Variants in SCLT1 observed in about 807,000 individuals in gnomAD.
The protein encoded by SCLT1 is sodium channel and clathrin linker 1, also known as sodium channel-associated protein 1.
SCLT1 carries 78 observed loss-of-function variants against 112.8 expected under a neutral mutation model. That is an observed-to-expected ratio of 0.69 (90% confidence interval 0.58 to 0.83). The LOEUF is 0.83. SCLT1 is among the 40% of genes least tolerant of loss of function. The probability of loss-of-function intolerance (pLI) is 0.00; values close to 1 mark genes in which losing one functional copy is unlikely to be tolerated. For missense variants in SCLT1, 747 were observed against 770.4 expected (o/e 0.97, Z 0.36); for synonymous variants, 257 against 254.7 (o/e 1.01, Z -0.09).
rs74842168 is a variant in SCLT1, at chr4:129,007,476, T to A, written c.291-3600A>T. ...TCTTTTGGGCAAATATAATTTCGTA[T>A]CATTATGGAAACCGCCTTTTAATCT... On this transcript the variant is annotated intron_variant, in intron 5 of 20. Transcript: ENST00000281142. 2.7e-3 allele frequency among the ~76,000 whole-genome samples: 410 copies of A among 152,314 alleles called. 5 individuals are homozygous for A. In the East Asian group the frequency reaches 0.041, roughly 15 times the overall value.
intron 2 of SCLT1, among the ~76,000 whole-genome samples, chr4:129,058,230 A>G (rs935134072): frequency 6.7e-6 from 1 of 149,698 alleles, no homozygotes; most frequent in Non-Finnish European, 1.5e-5. Flanking sequence ...GTCCATTTCT[A>G]CTCTGACATT....
intron 2 of SCLT1, among the ~76,000 whole-genome samples, chr4:129,079,652 T>C (rs1751763865): frequency 6.6e-6 from 1 of 152,178 alleles, no homozygotes; most frequent in South Asian, 2.1e-4. Flanking sequence ...AGGCACATAG[T>C]GCAAGCTGTT....
intron 12 of SCLT1, among the ~76,000 whole-genome samples, chr4:128,957,430 T>C (rs1739313374): frequency 6.6e-6 from 1 of 152,194 alleles, no homozygotes; most frequent in Non-Finnish European, 1.5e-5. Context: ...CTATATAAAG[T>C]AAATAATCAA....
intron 9 of SCLT1, chr4:128,971,018 A>G (rs1468896385): frequency 6.6e-6 from 1 of 152,196 alleles, no homozygotes; most frequent in Non-Finnish European, 1.5e-5. Flanking sequence ...GCAACAAATG[A>G]AAAAGATAAA....
At position 129,073,861 on chromosome 4, in the gene SCLT1, T is replaced by C. The variant is rs141187861; in HGVS notation, c.102+8445A>G. Among the ~76,000 whole-genome samples, 1,029 of 152,302 alleles carry C rather than the reference T, an allele frequency of 6.8e-3. 8 individuals are homozygous for C. The highest frequency in any genetic ancestry group is 0.011 in the Non-Finnish European group (715 of 68,012). On this transcript the variant is annotated intron_variant, in intron 2 of 20. Coordinates refer to ENST00000281142, the MANE Select transcript of SCLT1 (RefSeq NM_144643.4). The stretch of plus-strand genomic sequence containing the variant: ...TCTCTCCTATATGCCAAATACATTA[T>C]ATAAACTGAAATATATTTTATTCCC...
chr4:128,958,585 C>T, intron 12 of SCLT1, among the ~76,000 whole-genome samples: 1 of 152,206 alleles, frequency 6.6e-6, no homozygotes, highest in East Asian at 1.9e-4. Context: ...TTTTTAATGG[C>T]TTGGTATAAG....
At chr4:128,897,301 C>T (rs1733850029) in intron 18 of SCLT1, among the ~76,000 whole-genome samples, 1 of 152,128 alleles carries the variant, frequency 6.6e-6, no homozygotes, top group East Asian at 1.9e-4. Flanking sequence ...CAAAGGGAAG[C>T]CCATCAGACT....
intron 9 of SCLT1, among the ~76,000 whole-genome samples, chr4:128,974,457 G>A (rs1287320327): frequency 6.6e-6 from 1 of 151,816 alleles, no homozygotes; most frequent in African/African-American, 2.4e-5. Context: ...GAGCTCTCCT[G>A]AAGCCAAGAT....
intron 2 of SCLT1, among the ~76,000 whole-genome samples, chr4:129,072,705 T>A (rs1019911029): frequency 2.6e-5 from 4 of 152,184 alleles, no homozygotes; most frequent in Non-Finnish European, 4.4e-5. Context: ...TCCCTTCACT[T>A]CTTGTCTCAT....
chr4:128,922,337 A>G (rs1190635678), intron 18 of SCLT1, among the ~76,000 whole-genome samples: 1 of 152,202 alleles, frequency 6.6e-6, no homozygotes, highest in African/African-American at 2.4e-5. Flanking sequence ...TTTACTACAA[A>G]GACGCATGCT....
At chr4:129,083,936 GA>G (rs1213261577) in intron 1 of SCLT1, among the ~76,000 whole-genome samples, 2 of 152,162 alleles carry the variant, frequency 1.3e-5, no homozygotes, top group East Asian at 3.9e-4. Flanking sequence ...CACAAAAAAT[GA>G]TAAGAAATAT....
chr4:128,887,140 TAATGGCACTA>T (rs555260431), intron 20 of SCLT1, among the ~76,000 whole-genome samples: 20 of 152,276 alleles, frequency 1.3e-4, no homozygotes, highest in Admixed American at 3.3e-4. Flanking sequence ...AGCTTTTACT[TAATGGCACTA>T]AATGGCACTA....
chr4:128,942,903 AG>A, intron 17 of SCLT1, 92 bp downstream of exon 17: 1 of 838,092 alleles, frequency 1.2e-6, no homozygotes. Context: ...GCAAAAAAAA[AG>A]GGGGCCTTAA....
intron 2 of SCLT1, among the ~76,000 whole-genome samples, chr4:129,054,536 C>T (rs1352437692): frequency 3.9e-5 from 6 of 151,930 alleles, no homozygotes; most frequent in Admixed American, 2.6e-4. Flanking sequence ...TCCGCTTGAT[C>T]GATTCAGCTA....
intron 14 of SCLT1, among the ~76,000 whole-genome samples, chr4:128,951,219 A>G (rs1738706279): frequency 6.6e-6 from 1 of 152,160 alleles, no homozygotes; most frequent in Non-Finnish European, 1.5e-5. Flanking sequence ...TTCAAACTGT[A>G]GCTTAGATTT....
chr4:129,082,934 G>A (rs1433596274), intron 1 of SCLT1, among the ~76,000 whole-genome samples: 1 of 152,086 alleles, frequency 6.6e-6, no homozygotes, highest in Non-Finnish European at 1.5e-5. Context: ...ACTCATGCCT[G>A]TAATCCTAGC....
chr4:129,079,696 T>C (rs1379619768), intron 2 of SCLT1, among the ~76,000 whole-genome samples: 1 of 152,212 alleles, frequency 6.6e-6, no homozygotes, highest in Non-Finnish European at 1.5e-5. Flanking sequence ...CGGAGGATGG[T>C]AGCTCCCTTC....
chr4:129,007,628 C>A (rs779930501), intron 5 of SCLT1, among the ~76,000 whole-genome samples: 1 of 151,970 alleles, frequency 6.6e-6, no homozygotes, highest in African/African-American at 2.4e-5. Context: ...TTGTATTTTA[C>A]GAATCTCCTT....
Position 129,053,557 on chromosome 4 carries a change from ATTTTTTTTTTTTTTTTTTT to A in SCLT1, c.103-9525_103-9507del, listed in dbSNP as rs528905688. On this transcript the variant is annotated intron_variant, in intron 2 of 20. Coordinates refer to ENST00000281142, the MANE Select transcript of SCLT1 (RefSeq NM_144643.4). ...TTAGAGACTAGGATTGCAATCCCTG[ATTTTTTTTTTTTTTTTTTT>A]TTTTTTTTTTTTTTGCTTTCCATTT... 4.0e-4 allele frequency among the ~76,000 whole-genome samples: 18 copies of A among 45,240 alleles called. No individual in the cohort carries two copies. The South Asian group carries it at 4.6e-3, about 12-fold the overall frequency. 29.7% of individuals were successfully genotyped at this position (45,240 alleles called of 152,430 possible).
Sources: gnomAD v4.1 joint callset for allele counts (sites outside exome capture counted in the v4.1 genomes callset) on GRCh38, gnomAD v4.1.1 for gene constraint, MANE v1.5 for transcripts, NCBI Gene and HGNC (gene_info 2026-07-23, HGNC 2026-07-21) for gene names.